TAFA5: variants seen among roughly 807,000 people sequenced by gnomAD.
TAFA5 encodes TAFA chemokine like family member 5.
Under a neutral mutation model 15.3 loss-of-function variants are expected in TAFA5, and 6 were observed. The observed-to-expected ratio is 0.39, with a 90% CI of 0.21 to 0.77. TAFA5 has a LOEUF of 0.77. Among genes scored for constraint, TAFA5 ranks in the 30% least tolerant of loss-of-function variants. The probability of loss-of-function intolerance (pLI) is 0.41; values close to 1 mark genes in which losing one functional copy is unlikely to be tolerated. For missense variants in TAFA5, 161 were observed against 193.1 expected (o/e 0.83, Z 0.98); for synonymous variants, 103 against 80.7 (o/e 1.28, Z -1.48).
In TAFA5 at chr22:48,550,120, G is replaced by A. The variant is rs1472135927; in HGVS notation, c.112+60416G>A. On this transcript the variant is annotated intron_variant, in intron 1 of 3. Transcript: ENST00000402357. This position sits in a 1 kb window ranked among gnomAD's most constrained non-coding sequence, Gnocchi z 4.1. ...TGTATCAGAAGCTGGGAACTTTGGG[G>A]TATGCTGGGCATGGGTGTAGCAGCC... Among the ~76,000 whole-genome samples, 3 of 152,240 alleles carry A rather than the reference G, an allele frequency of 2.0e-5. No homozygotes were observed. The highest frequency in any genetic ancestry group is 4.1e-4 in the South Asian group (2 of 4,832).
intron 2 of TAFA5, among the ~76,000 whole-genome samples, chr22:48,691,153 G>A (rs949967388): frequency 2.0e-5 from 3 of 152,136 alleles, no homozygotes; most frequent in African/African-American, 7.2e-5. Context: ...GGCGGCCCGG[G>A]GACCATTGGT....
chr22:48,618,789 G>T (rs961198862), intron 1 of TAFA5, among the ~76,000 whole-genome samples: 1 of 152,184 alleles, frequency 6.6e-6, no homozygotes, highest in African/African-American at 2.4e-5. Flanking sequence ...TGTGCTGGGG[G>T]TTGCCTCTGA....
chr22:48,490,701 A>C lies in TAFA5; in HGVS notation c.112+997A>C, dbSNP rs867735130. Among the ~76,000 whole-genome samples, 2 of 142,050 alleles carry C rather than the reference A, an allele frequency of 1.4e-5. No individual in the cohort carries two copies. The highest frequency in any genetic ancestry group is 1.5e-4 in the Admixed American group (2 of 13,616). 93.2% of individuals were successfully genotyped at this position (142,050 alleles called of 152,430 possible). On this transcript the variant is annotated intron_variant, in intron 1 of 3. Transcript: ENST00000402357. This position sits in a 1 kb window ranked among gnomAD's most constrained non-coding sequence, Gnocchi z 5.8. ...GGCTTCTTGTCTTCAGCGGGAGAAT[A>C]GGACGGGTGCTGGGGAGCACCTGTC...
intron 2 of TAFA5, among the ~76,000 whole-genome samples, chr22:48,650,688 C>T (rs1927022373): frequency 6.6e-6 from 1 of 152,182 alleles, no homozygotes; most frequent in Non-Finnish European, 1.5e-5. Context: ...GGCTGTGAGC[C>T]TGTGCACCTG....
rs185703704 is a variant in TAFA5, at chr22:48,587,399, G to A, written c.113-59198G>A. Among the ~76,000 whole-genome samples, 683 of 152,304 alleles carry A rather than the reference G, an allele frequency of 4.5e-3. 5 individuals are homozygous for A. The highest frequency in any genetic ancestry group is 0.016 in the African/African-American group (667 of 41,564). On this transcript the variant is annotated intron_variant, in intron 1 of 3. Transcript: ENST00000402357. ...GTCCTCAGCCACACTGGGAGCTGCT[G>A]CCCTTGCGTGGAACAGGAGCAGCTG...
chr22:48,544,601 G>C (rs1484656275), intron 1 of TAFA5: 2 of 437,990 alleles, frequency 4.6e-6, no homozygotes, highest in Non-Finnish European at 9.5e-6. Context: ...GCTGCACAGA[G>C]CGGCACAGCT....
intron 1 of TAFA5, among the ~76,000 whole-genome samples, chr22:48,618,806 C>T (rs1307597713): frequency 2.6e-5 from 4 of 152,186 alleles, no homozygotes; most frequent in African/African-American, 7.2e-5. Context: ...CTGAGGCTCT[C>T]CTTTCTTCGT....
intron 1 of TAFA5, among the ~76,000 whole-genome samples, chr22:48,513,333 G>A (rs1921292169): frequency 6.6e-6 from 1 of 152,194 alleles, no homozygotes; most frequent in Admixed American, 6.5e-5. Context: ...GTTACAGGCC[G>A]TTTTGCTTCA....
chr22:48,671,198 TCC>T (rs1927792681), intron 2 of TAFA5, among the ~76,000 whole-genome samples: 1 of 152,088 alleles, frequency 6.6e-6, no homozygotes. Context: ...CTGCTAAGCT[TCC>T]CCAGGAGCTC....
At chr22:48,715,762 C>A (rs2147257053) in intron 3 of TAFA5, among the ~76,000 whole-genome samples, 1 of 152,344 alleles carries the variant, frequency 6.6e-6, no homozygotes, top group East Asian at 1.9e-4. Context: ...GGCCAGCAAG[C>A]CTGCCCCAGC....
chr22:48,638,790 C>T (rs1438025560), intron 1 of TAFA5, among the ~76,000 whole-genome samples: 1 of 144,936 alleles, frequency 6.9e-6, no homozygotes, highest in Non-Finnish European at 1.5e-5. Context: ...ACACTAAGCC[C>T]TGGGTCACCG....
At chr22:48,624,059 G>A (rs1453319398) in intron 1 of TAFA5, among the ~76,000 whole-genome samples, 1 of 152,166 alleles carries the variant, frequency 6.6e-6, no homozygotes, top group Admixed American at 6.5e-5. Flanking sequence ...TAGTTGTCAC[G>A]TCTCCTAGGA....
rs544059437 is a variant in TAFA5 at position 48,738,572 on chromosome 22, G to A, written c.391-11267G>A. Among the ~76,000 whole-genome samples the A allele has an allele frequency of 8.2e-4, 125 of 152,314 alleles. 1 individual carries two copies. The highest frequency in any genetic ancestry group is 2.9e-3 in the African/African-American group (120 of 41,568). The stretch of plus-strand genomic sequence containing the variant: ...CAGGACCCTCTACTCACCCCAGTGA[G>A]GAGTGATTGCACCACAGCCTCCTCA... On this transcript the variant is annotated intron_variant, in intron 3 of 3. Coordinates refer to ENST00000402357, the MANE Select transcript of TAFA5 (RefSeq NM_001082967.3).
intron 1 of TAFA5, among the ~76,000 whole-genome samples, chr22:48,632,477 G>A (rs1926267215): frequency 6.8e-6 from 1 of 147,130 alleles, no homozygotes; most frequent in African/African-American, 2.7e-5. Flanking sequence ...CCACCCTGAA[G>A]CCCACTGCGC....
intron 3 of TAFA5, among the ~76,000 whole-genome samples, chr22:48,744,025 G>C (rs927158930): frequency 6.6e-6 from 1 of 152,192 alleles, no homozygotes; most frequent in African/African-American, 2.4e-5. Flanking sequence ...TGGGTTTGCC[G>C]TCGGGGAAGC....
At chr22:48,504,054 G>C (rs546332039) in intron 1 of TAFA5, among the ~76,000 whole-genome samples, 3 of 152,350 alleles carry the variant, frequency 2.0e-5, no homozygotes, top group South Asian at 4.1e-4. Flanking sequence ...ACACCCAGTT[G>C]CTCACTCTTC....
At chr22:48,618,961 G>A (rs575674262) in intron 1 of TAFA5, among the ~76,000 whole-genome samples, 83 of 152,336 alleles carry the variant, frequency 5.4e-4, no homozygotes, top group African/African-American at 2.0e-3. Flanking sequence ...GAGACCCAGG[G>A]CAGAGTGAAT....
chr22:48,625,882 T>C (rs1474743630), intron 1 of TAFA5, among the ~76,000 whole-genome samples: 5 of 152,226 alleles, frequency 3.3e-5, no homozygotes, highest in Admixed American at 2.6e-4. Context: ...CCAGCAACCA[T>C]TGATCCTTTG....
chr22:48,641,548 C>T (rs1331654763), intron 1 of TAFA5, among the ~76,000 whole-genome samples: 6 of 150,366 alleles, frequency 4.0e-5, no homozygotes, highest in Admixed American at 3.3e-4. Flanking sequence ...TCCCTCCCCT[C>T]GCACACGATG....
Sources: allele counts gnomAD v4.1 joint callset (sites outside exome capture counted in the v4.1 genomes callset), GRCh38; gene constraint gnomAD v4.1.1; non-coding constraint Gnocchi (gnomAD v3.1); transcripts MANE v1.5; gene names NCBI Gene and HGNC (gene_info 2026-07-23, HGNC 2026-07-21).